The following ERP44 variants were observed in gnomAD, a reference collection of about 807,000 sequenced individuals.
ERP44 encodes the protein endoplasmic reticulum resident protein 44.
In ERP44, 25 loss-of-function variants were observed where a neutral mutation model predicts 53.4. That is an observed-to-expected ratio of 0.47 (90% CI 0.34 to 0.65). ERP44 has a LOEUF of 0.65. ERP44 is among the 30% of genes least tolerant of loss of function. The probability of loss-of-function intolerance (pLI) is 0.01; values close to 1 mark genes in which losing one functional copy is unlikely to be tolerated. For missense variants in ERP44, 338 were observed against 493.2 expected, an observed-to-expected ratio of 0.69 and a Z score of 2.98; for synonymous variants, 145 against 161.2, an observed-to-expected ratio of 0.90 and a Z score of 0.76.
chr9:100,043,368 A>AC (rs1825934294), intron 4 of ERP44, among the ~76,000 whole-genome samples: 1 of 150,440 alleles, frequency 6.6e-6, no homozygotes. Context: ...TTTTAAAAAT[A>AC]ACTTAAACCG....
chr9:100,026,268 G>A (rs1333390652), intron 4 of ERP44, among the ~76,000 whole-genome samples: 2 of 152,148 alleles, frequency 1.3e-5, no homozygotes, highest in African/African-American at 4.8e-5. Flanking sequence ...AGGAGACAAC[G>A]TCTACTTTGG....
chr9:100,030,283 C>T (rs1443277692), intron 4 of ERP44, among the ~76,000 whole-genome samples: 2 of 152,142 alleles, frequency 1.3e-5, no homozygotes, highest in Admixed American at 1.3e-4. Flanking sequence ...GGACTCCTTT[C>T]TGGTAATATC....
At chr9:100,034,902 G>A (rs1480473861) in intron 4 of ERP44, among the ~76,000 whole-genome samples, 3 of 152,036 alleles carry the variant, frequency 2.0e-5, no homozygotes, top group Non-Finnish European at 2.9e-5. Context: ...ACAGAATAGA[G>A]AACTCAGAAA....
chr9:100,049,859 T>A (rs1057095505), intron 4 of ERP44, among the ~76,000 whole-genome samples: 1 of 152,174 alleles, frequency 6.6e-6, no homozygotes, highest in East Asian at 1.9e-4. Flanking sequence ...AAGATTTATA[T>A]CTGAATGTTC....
chr9:99,983,312 G>A (rs1012180110), intron 11 of ERP44, among the ~76,000 whole-genome samples: 12 of 152,086 alleles, frequency 7.9e-5, no homozygotes, highest in Non-Finnish European at 1.0e-4. Flanking sequence ...TTGGGAGGCC[G>A]AGGCGGGTGG....
intron 1 of ERP44, 65 bp downstream of exon 1, chr9:100,098,719 C>A: frequency 7.6e-7 from 1 of 1,314,712 alleles, no homozygotes; most frequent in Non-Finnish European, 1.1e-6. Context: ...TAGCAGTGTT[C>A]CCCCTGGGCG....
intron 1 of ERP44, among the ~76,000 whole-genome samples, chr9:100,091,759 C>T (rs1208724726): frequency 1.3e-5 from 2 of 152,110 alleles, no homozygotes; most frequent in South Asian, 2.1e-4. Context: ...CAGTATTTCT[C>T]GAACTTTTAT....
At chr9:100,030,967 C>T (rs1825780544) in intron 4 of ERP44, among the ~76,000 whole-genome samples, 1 of 152,162 alleles carries the variant, frequency 6.6e-6, no homozygotes, top group African/African-American at 2.4e-5. Flanking sequence ...TGACAGGGCC[C>T]ATCTGAGGGC....
At chr9:100,092,580 C>G (rs1826571911) in intron 1 of ERP44, among the ~76,000 whole-genome samples, 1 of 152,162 alleles carries the variant, frequency 6.6e-6, no homozygotes, top group Non-Finnish European at 1.5e-5. Context: ...TGAATGGAGA[C>G]TAATGAAGAG....
chr9:100,036,595 C>T (rs1825850347), intron 4 of ERP44, among the ~76,000 whole-genome samples: 1 of 152,146 alleles, frequency 6.6e-6, no homozygotes, highest in Non-Finnish European at 1.5e-5. Context: ...TCTCAAAACA[C>T]CGCAATATGC....
intron 3 of ERP44, among the ~76,000 whole-genome samples, chr9:100,057,077 G>T (rs1300045825): frequency 1.3e-5 from 2 of 152,208 alleles, no homozygotes; most frequent in Non-Finnish European, 1.5e-5. Context: ...TTAAGTAAAT[G>T]ACAGGACTGT....
intron 4 of ERP44, among the ~76,000 whole-genome samples, chr9:100,037,050 T>C (rs1423446958): frequency 1.3e-5 from 2 of 152,204 alleles, no homozygotes; most frequent in African/African-American, 4.8e-5. Flanking sequence ...TCACACTACC[T>C]AGTTTTAACT....
At chr9:100,023,636 G>A (rs1830620389) in intron 4 of ERP44, among the ~76,000 whole-genome samples, 2 of 151,684 alleles carry the variant, frequency 1.3e-5, no homozygotes, top group Non-Finnish European at 1.5e-5. Flanking sequence ...TTGTAGAGAT[G>A]AGGTCTCACT....
intron 11 of ERP44, among the ~76,000 whole-genome samples, chr9:99,983,551 C>CAAAAAAAAAA (rs59132233): frequency 3.0e-5 from 2 of 66,964 alleles, no homozygotes; most frequent in African/African-American, 6.7e-5. Flanking sequence ...GACTCCGTCT[C>CAAAAAAAAAA]AAAAAAAAAA....
At chr9:100,078,741 A>C (rs983718506) in intron 1 of ERP44, among the ~76,000 whole-genome samples, 5 of 152,138 alleles carry the variant, frequency 3.3e-5, no homozygotes, top group African/African-American at 1.2e-4. Context: ...GGTGACGAGC[A>C]AGACTTCATC....
chr9:100,020,052 AG>A (rs1208101694), intron 6 of ERP44, among the ~76,000 whole-genome samples: 3 of 152,218 alleles, frequency 2.0e-5, no homozygotes, highest in African/African-American at 7.2e-5. Flanking sequence ...TTTTCAGAAA[AG>A]GAAAGCAGTT....
chr9:100,079,050 T>C (rs1300529748), intron 1 of ERP44, among the ~76,000 whole-genome samples: 1 of 152,168 alleles, frequency 6.6e-6, no homozygotes. Flanking sequence ...TCAACTTGAT[T>C]GGCTTGAAGG....
chr9:99,988,800 T>C (rs1332288989), intron 10 of ERP44, among the ~76,000 whole-genome samples: 1 of 152,170 alleles, frequency 6.6e-6, no homozygotes, highest in Non-Finnish European at 1.5e-5. Context: ...TGACAGACTG[T>C]ACCGGAAAAA....
At position 100,068,028 on chromosome 9, in the gene ERP44, T is replaced by TG. The variant is rs1172286689; in HGVS notation, c.58-7857dup. Among the ~76,000 whole-genome samples the TG allele has an allele frequency of 6.6e-3, 787 of 119,560 alleles. 4 individuals are homozygous for TG. Among genetic ancestry groups the TG allele is most frequent in the African/African-American group, 0.024 (719 of 30,330 alleles). The allele number at this position is 119,560 out of a possible 152,430, so 78.4% of individuals were successfully genotyped here. A position where few individuals can be genotyped will look rare whatever the true frequency, so the allele number is the denominator to read the frequency against. ...CCAGCCGCCCCGTCCGGGAGGGAGG[T>TG]GGGGGGGTCAGTCCCCCGCCCGGCC... On this transcript the variant is annotated intron_variant, in intron 1 of 11. Transcript: ENST00000262455.
Sources: gnomAD v4.1 joint callset for allele counts (sites outside exome capture counted in the v4.1 genomes callset) on GRCh38, gnomAD v4.1.1 for gene constraint, MANE v1.5 for transcripts, NCBI Gene and HGNC (gene_info 2026-07-23, HGNC 2026-07-21) for gene names.